BLNK: variants seen among roughly 807,000 people sequenced by gnomAD.
BLNK encodes B-cell linker protein.
A neutral mutation model predicts 73.5 loss-of-function variants in BLNK; 29 were observed. The observed-to-expected ratio is 0.39, with a 90% CI of 0.29 to 0.54. The LOEUF is 0.54. Ranked by LOEUF, BLNK falls within the 20% of genes least tolerant of loss-of-function variation. The probability of loss-of-function intolerance (pLI) is 0.61; values close to 1 mark genes in which losing one functional copy is unlikely to be tolerated. For synonymous variants in BLNK, 176 were observed against 200.8 expected (o/e 0.88, Z 1.04); for missense variants, 460 against 562.8 (o/e 0.82, Z 1.85).
intron 6 of BLNK, among the ~76,000 whole-genome samples, chr10:96,218,189 C>T (rs782694336): frequency 6.6e-6 from 1 of 152,198 alleles, no homozygotes; most frequent in Non-Finnish European, 1.5e-5. Context: ...TTTTTACCAC[C>T]TGCCCTGGTG....
chr10:96,249,033 C>A (rs925484244), intron 1 of BLNK, among the ~76,000 whole-genome samples: 8 of 152,190 alleles, frequency 5.3e-5, no homozygotes, highest in Non-Finnish European at 1.2e-4. Flanking sequence ...AATAAAATTT[C>A]ACGTGGTTCT....
chr10:96,229,242 G>A (rs1306245263), intron 4 of BLNK, among the ~76,000 whole-genome samples: 9 of 122,546 alleles, frequency 7.3e-5, no homozygotes, highest in East Asian at 2.4e-4. Context: ...CTGCCCCCTC[G>A]ACCACCCTTC....
Position 96,227,654 on chromosome 10 carries a change from C to G in BLNK, c.205-88G>C. 10 of 1,590,498 alleles carry G rather than the reference C, an allele frequency of 6.3e-6. No homozygotes were observed. In the South Asian group the frequency reaches 9.9e-5, roughly 16 times the overall value. On this transcript the variant is annotated intron_variant, in intron 4 of 16. Coordinates refer to ENST00000224337, the MANE Select transcript of BLNK (RefSeq NM_013314.4). ...CCATTCCTGCCTTGGGAGGCCAGAGCAGTGACAGGAGACAAGGCTTGGAGA... is the reference window on the plus strand; with the variant it reads ...CCATTCCTGCCTTGGGAGGCCAGAGGAGTGACAGGAGACAAGGCTTGGAGA...
chr10:96,239,965 G>A (rs1842831712), intron 3 of BLNK, among the ~76,000 whole-genome samples: 1 of 152,108 alleles, frequency 6.6e-6, no homozygotes, highest in Admixed American at 6.6e-5. Context: ...CTCTGATGCT[G>A]TTGGTTCATC....
rs114620144 is a variant in BLNK at position 96,222,096 on chromosome 10, C to G, written c.525+1730G>C. Among the ~76,000 whole-genome samples, 468 of 152,296 alleles carry G rather than the reference C, an allele frequency of 3.1e-3. 4 individuals carry two copies. The highest frequency in any genetic ancestry group is 0.011 in the African/African-American group (439 of 41,562). Reference sequence around the variant, plus strand: ...GGAATCCGACATATATTAAACCCCTCTGTGTGTGAGGCACTGTATTTAGTG... The same window carrying G: ...GGAATCCGACATATATTAAACCCCTGTGTGTGTGAGGCACTGTATTTAGTG... On this transcript the variant is annotated intron_variant, in intron 6 of 16. Coordinates refer to ENST00000224337, the MANE Select transcript of BLNK (RefSeq NM_013314.4).
At chr10:96,219,963 C>A (rs1394813069) in intron 6 of BLNK, among the ~76,000 whole-genome samples, 3 of 152,178 alleles carry the variant, frequency 2.0e-5, no homozygotes, top group Non-Finnish European at 4.4e-5. Flanking sequence ...CCTCTCTTTG[C>A]CAGCCACCTG....
chr10:96,201,032 C>G lies in BLNK; in HGVS notation c.961G>C (p.Val321Leu), dbSNP rs2083618951. 2 of 1,614,132 alleles carry G rather than the reference C, an allele frequency of 1.2e-6. No individual in the cohort carries two copies. Among genetic ancestry groups the G allele is most frequent in the East Asian group, 2.2e-5 (1 of 44,878 alleles). ...GAAAAGCTGGGTAGGGGCCCATCCA[C>G]AGTTGGGTTTCCCCCTTCTGTAAAT... ...PRFTEGGNPT[V>L]DGPLPSFSSN... Residue 321 changes from valine to leucine, a missense_variant, in exon 14 of 17, where the codon GTG becomes CTG. Transcript: ENST00000224337.
At chr10:96,251,287 G>A (rs1843274721) in intron 1 of BLNK, among the ~76,000 whole-genome samples, 1 of 152,210 alleles carries the variant, frequency 6.6e-6, no homozygotes, top group Non-Finnish European at 1.5e-5. Flanking sequence ...CACGCATCTG[G>A]TGATGCACAG....
chr10:96,206,864 T>C, intron 11 of BLNK, 147 bp downstream of exon 11: 1 of 857,840 alleles, frequency 1.2e-6, no homozygotes, highest in Non-Finnish European at 1.9e-6. Flanking sequence ...TTGCTGTTCA[T>C]TGCTCATTGC....
rs2083321711 is a variant in BLNK at position 96,191,112 on chromosome 10, G to A, written c.*861C>T. Among the ~76,000 whole-genome samples, 1 of 152,094 alleles carries A rather than the reference G, an allele frequency of 6.6e-6. No individual in the cohort carries two copies. Among genetic ancestry groups the A allele is most frequent in the Admixed American group, 6.5e-5 (1 of 15,270 alleles). ...ATGAGATCTGATGGTTTTATAAAGG[G>A]CAGTTCCCCTGCACATGCTCTCTTG... On this transcript the variant is annotated 3_prime_UTR_variant, in exon 17 of 17. Coordinates refer to ENST00000224337, the MANE Select transcript of BLNK (RefSeq NM_013314.4).
At chr10:96,213,178 G>C (rs915561150) in intron 8 of BLNK, among the ~76,000 whole-genome samples, 1 of 152,152 alleles carries the variant, frequency 6.6e-6, no homozygotes, top group African/African-American at 2.4e-5. Flanking sequence ...CACAGTCTCG[G>C]CACCTCCCCT....
chr10:96,197,112 T>C (rs199715227), intron 15 of BLNK, 49 bp from the exon 16 acceptor site: 2 of 1,462,278 alleles, frequency 1.4e-6, no homozygotes, highest in African/African-American at 2.9e-5. Context: ...ATTACTTATA[T>C]TTCTACAGGT....
intron 8 of BLNK, 145 bp from the exon 9 acceptor site, chr10:96,210,052 A>C: frequency 1.2e-6 from 1 of 852,480 alleles, no homozygotes; most frequent in Non-Finnish European, 2.0e-6. Flanking sequence ...GTTATATTGA[A>C]GCTATTAAGG....
At chr10:96,266,196 A>G (rs782788381) in intron 1 of BLNK, among the ~76,000 whole-genome samples, 17 of 152,366 alleles carry the variant, frequency 1.1e-4, no homozygotes, top group Non-Finnish European at 1.6e-4. Context: ...GTAGGGAGAA[A>G]ACAAGAGATC....
intron 2 of BLNK, 123 bp from the exon 3 acceptor site, chr10:96,242,907 C>A: frequency 1.2e-6 from 1 of 842,104 alleles, no homozygotes; most frequent in Non-Finnish European, 2.1e-6. Context: ...TCTCTTGGAC[C>A]AATCAATGGA....
chr10:96,216,606 G>T, intron 7 of BLNK, 47 bp downstream of exon 7: 1 of 1,516,058 alleles, frequency 6.6e-7, no homozygotes, highest in Non-Finnish European at 9.2e-7. Context: ...TATACATCCT[G>T]ATCAACTGCT....
intron 8 of BLNK, 84 bp from the exon 9 acceptor site, chr10:96,209,991 T>C: frequency 7.1e-7 from 1 of 1,408,912 alleles, no homozygotes; most frequent in East Asian, 2.3e-5. Flanking sequence ...TCTGGCAGGC[T>C]CAGAAATATT....
intron 1 of BLNK, among the ~76,000 whole-genome samples, chr10:96,253,362 C>A (rs1286116374): frequency 6.6e-6 from 1 of 152,028 alleles, no homozygotes; most frequent in Admixed American, 6.5e-5. Context: ...ATGACCAGAC[C>A]ACATGGCAAT....
Position 96,227,588 on chromosome 10 carries a change from C to T in BLNK, c.205-22G>A. On this transcript the variant is annotated intron_variant, in intron 4 of 16. Transcript: ENST00000224337. ...TGTCCTGCAAGTGCAGATGCAGACA[C>T]TGTGCTCAGCATCCCCGTCTGTGCT... 3.7e-6 allele frequency: 6 copies of T among 1,613,618 alleles called. 1 individual carries two copies. The South Asian group carries it at 6.6e-5, about 18-fold the overall frequency.
Sources: gnomAD v4.1 joint callset for allele counts (sites outside exome capture counted in the v4.1 genomes callset) on GRCh38, gnomAD v4.1.1 for gene constraint, MANE v1.5 for transcripts, NCBI Gene and HGNC (gene_info 2026-07-23, HGNC 2026-07-21) for gene names.